HACD2: variants seen among roughly 807,000 people sequenced by gnomAD.
The protein encoded by HACD2 is very-long-chain (3R)-3-hydroxyacyl-CoA dehydratase 2.
In HACD2, 15 loss-of-function variants were observed where a neutral mutation model predicts 31.0. That is an observed-to-expected ratio of 0.48 (90% confidence interval 0.32 to 0.75). HACD2 has a LOEUF of 0.75. Ranked by LOEUF, HACD2 falls within the 30% of genes least tolerant of loss-of-function variation. HACD2 has a pLI of 0.03. For missense variants in HACD2, 283 were observed against 313.0 expected, an observed-to-expected ratio of 0.90 and a Z score of 0.72; for synonymous variants, 115 against 122.2, an observed-to-expected ratio of 0.94 and a Z score of 0.39.
rs183117959 is a variant in HACD2, at chr3:123,532,917, T to C, written c.293-4443A>G. ...GCCGTAGGAATGGTGTACAGTATAA[T>C]GTCCACCCTATCACTCAAAGCCTCT... On this transcript the variant is annotated intron_variant, in intron 3 of 6. Coordinates refer to ENST00000383657, the MANE Select transcript of HACD2 (RefSeq NM_198402.5). Among the ~76,000 whole-genome samples the C allele has an allele frequency of 2.2e-4, 34 of 151,274 alleles. No individual in the cohort carries two copies. In the East Asian group the frequency reaches 6.2e-3, roughly 28 times the overall value.
chr3:123,536,908 C>CTGA (rs2056433261), intron 3 of HACD2, among the ~76,000 whole-genome samples: 1 of 152,090 alleles, frequency 6.6e-6, no homozygotes, highest in South Asian at 2.1e-4. Context: ...AAGAACTTCA[C>CTGA]GTATAATGCT....
At chr3:123,502,744 A>G in intron 4 of HACD2, 63 bp from the exon 5 acceptor site, 1 of 1,522,462 alleles carries the variant, frequency 6.6e-7, no homozygotes. Flanking sequence ...GACAGTGTGC[A>G]GCACCCGGCA....
chr3:123,542,307 T>A (rs1410635395), intron 3 of HACD2, among the ~76,000 whole-genome samples: 1 of 152,012 alleles, frequency 6.6e-6, no homozygotes, highest in Non-Finnish European at 1.5e-5. Context: ...ACTCCACAAT[T>A]AGCAATAAAG....
chr3:123,509,018 C>T (rs2056015468), intron 4 of HACD2, among the ~76,000 whole-genome samples: 1 of 152,136 alleles, frequency 6.6e-6, no homozygotes, highest in Admixed American at 6.5e-5. Context: ...CCAAAGGTCC[C>T]ATTGCCAAAT....
At chr3:123,513,689 CCTT>C (rs964468677) in intron 4 of HACD2, among the ~76,000 whole-genome samples, 2 of 152,166 alleles carry the variant, frequency 1.3e-5, no homozygotes, top group Admixed American at 1.3e-4. Flanking sequence ...CCGCATGTCT[CCTT>C]CTCCCATGAA....
intron 3 of HACD2, among the ~76,000 whole-genome samples, chr3:123,550,340 C>T (rs2056607024): frequency 6.6e-6 from 1 of 151,594 alleles, no homozygotes; most frequent in Non-Finnish European, 1.5e-5. Context: ...GAAGGAACCA[C>T]TAGAGAAGCA....
At chr3:123,539,387 T>C (rs1188199202) in intron 3 of HACD2, among the ~76,000 whole-genome samples, 1 of 151,998 alleles carries the variant, frequency 6.6e-6, no homozygotes, top group Non-Finnish European at 1.5e-5. Context: ...CTGGCCAACG[T>C]GGTGAAACCC....
chr3:123,531,809 T>C (rs936207997), intron 3 of HACD2, among the ~76,000 whole-genome samples: 9 of 152,244 alleles, frequency 5.9e-5, no homozygotes, highest in Non-Finnish European at 7.3e-5. Context: ...TAAATCATGA[T>C]ATTCCTTTGA....
intron 4 of HACD2, among the ~76,000 whole-genome samples, chr3:123,513,681 G>A (rs989803269): frequency 2.0e-5 from 3 of 152,134 alleles, no homozygotes; most frequent in Admixed American, 6.5e-5. Flanking sequence ...CACAGCAACC[G>A]CATGTCTCCT....
At chr3:123,500,926 A>G (rs376806316) in intron 5 of HACD2, among the ~76,000 whole-genome samples, 23 of 152,346 alleles carry the variant, frequency 1.5e-4, no homozygotes, top group African/African-American at 4.8e-4. Context: ...AGGCAGCCTC[A>G]AAATTTGGTC....
chr3:123,585,053 T>A lies in HACD2; in HGVS notation c.-26A>T. 1 of 1,386,074 alleles carries A rather than the reference T, an allele frequency of 7.2e-7. No homozygotes were observed. The highest frequency in any genetic ancestry group is 9.4e-7 in the Non-Finnish European group (1 of 1,061,656). 85.9% of individuals were successfully genotyped at this position (1,386,074 alleles called of 1,614,324 possible). A position where few individuals can be genotyped will look rare whatever the true frequency, so the allele number is the denominator to read the frequency against. On this transcript the variant is annotated 5_prime_UTR_variant, in exon 1 of 7. Coordinates refer to ENST00000383657, the MANE Select transcript of HACD2 (RefSeq NM_198402.5). ...GTCAAGTGCCCGAAGCCCGCTCTCC[T>A]AGCGCGAGCGGCTCGGGCCGGACTA...
At chr3:123,517,637 C>T (rs2056154608) in intron 4 of HACD2, among the ~76,000 whole-genome samples, 1 of 152,160 alleles carries the variant, frequency 6.6e-6, no homozygotes, top group Non-Finnish European at 1.5e-5. Context: ...AATGCAGTAT[C>T]CCAATGTGCC....
At chr3:123,527,738 G>C (rs1265511198) in intron 4 of HACD2, among the ~76,000 whole-genome samples, 3 of 152,222 alleles carry the variant, frequency 2.0e-5, no homozygotes, top group Non-Finnish European at 2.9e-5. Context: ...AAAGAAATTT[G>C]TGCTTGTTTT....
chr3:123,516,565 G>A (rs1020792032), intron 4 of HACD2, among the ~76,000 whole-genome samples: 3 of 152,080 alleles, frequency 2.0e-5, no homozygotes, highest in Non-Finnish European at 4.4e-5. Flanking sequence ...AGTGACAAAG[G>A]AAACTGGTTA....
At chr3:123,517,612 G>A (rs936478079) in intron 4 of HACD2, among the ~76,000 whole-genome samples, 1 of 152,104 alleles carries the variant, frequency 6.6e-6, no homozygotes, top group Non-Finnish European at 1.5e-5. Context: ...CCCACAGTCC[G>A]CCCCCAAATC....
intron 3 of HACD2, among the ~76,000 whole-genome samples, chr3:123,558,511 G>T (rs1051534779): frequency 6.6e-6 from 1 of 151,986 alleles, no homozygotes; most frequent in African/African-American, 2.4e-5. Context: ...GGAGGAAGGG[G>T]GCCTATGGGA....
intron 4 of HACD2, among the ~76,000 whole-genome samples, chr3:123,523,072 G>A (rs2056236587): frequency 2.6e-5 from 4 of 152,176 alleles, no homozygotes; most frequent in African/African-American, 7.2e-5. Context: ...CACAGAAGGC[G>A]TGCGGCCACA....
At position 123,577,193 on chromosome 3, in the gene HACD2, A is replaced by C. The variant is rs374940124; in HGVS notation, c.273+5019T>G. 9.9e-5 allele frequency among the ~76,000 whole-genome samples: 15 copies of C among 152,200 alleles called. No individual in the cohort carries two copies. In the East Asian group the frequency reaches 1.5e-3, roughly 16 times the overall value. ...GTCCCAGATGCACAATGGTAGGTAA[A>C]TGTCATATACAGCAATGTACATATG... On this transcript the variant is annotated intron_variant, in intron 2 of 6. Coordinates refer to ENST00000383657, the MANE Select transcript of HACD2 (RefSeq NM_198402.5).
chr3:123,582,912 C>T (rs2056981755), intron 1 of HACD2, among the ~76,000 whole-genome samples: 1 of 152,034 alleles, frequency 6.6e-6, no homozygotes, highest in Admixed American at 6.6e-5. Flanking sequence ...TCAATACAAA[C>T]CACGAAACAG....
Sources: gnomAD v4.1 joint callset for allele counts (sites outside exome capture counted in the v4.1 genomes callset) on GRCh38, gnomAD v4.1.1 for gene constraint, MANE v1.5 for transcripts, NCBI Gene and HGNC (gene_info 2026-07-23, HGNC 2026-07-21) for gene names.